The following PIK3C2G variants were observed in gnomAD, a reference collection of about 807,000 sequenced individuals.
PIK3C2G encodes phosphatidylinositol-4-phosphate 3-kinase catalytic subunit type 2 gamma, also known as phosphatidylinositol 3-kinase C2 domain-containing subunit gamma.
PIK3C2G carries 168 observed loss-of-function variants against 181.1 expected under a neutral mutation model. The observed-to-expected ratio is 0.93, with a 90% confidence interval of 0.82 to 1.05. The LOEUF is 1.05. Ranked by LOEUF, PIK3C2G falls within the 50% of genes least tolerant of loss-of-function variation. The pLI is 0.00. For synonymous variants in PIK3C2G, 573 were observed against 592.2 expected, an observed-to-expected ratio of 0.97 and a Z score of 0.47; for missense variants, 1,869 against 1,732.8, an observed-to-expected ratio of 1.08 and a Z score of -1.40.
In PIK3C2G at chr12:18,497,796, C is replaced by T. The variant is rs777342082; in HGVS notation, c.3016+48C>T. 5 of 1,440,368 alleles carry T rather than the reference C, an allele frequency of 3.5e-6. No homozygotes were observed. The East Asian group carries it at 7.5e-5, about 22-fold the overall frequency. 89.2% of individuals were successfully genotyped at this position (1,440,368 alleles called of 1,614,324 possible). ...GCTGGCTCACATTATTTATTTCACA[C>T]ATTCACTAGTAATAGGCTACGAAAC... is the stretch of plus-strand genomic sequence containing the variant. On this transcript the variant is annotated intron_variant, in intron 22 of 32. Coordinates refer to ENST00000538779, the MANE Select transcript of PIK3C2G (RefSeq NM_001288772.2).
Position 18,540,184 on chromosome 12 carries a change from C to G in PIK3C2G, c.3480+1872C>G, listed in dbSNP as rs568301382. On this transcript the variant is annotated intron_variant, in intron 25 of 32. Coordinates refer to ENST00000538779, the MANE Select transcript of PIK3C2G (RefSeq NM_001288772.2). ...TGCAAGGATACATTAACATAAGAGACCCAGAGTCTTAAAATTTTCAACTTA... is the reference window on the plus strand; with the variant it reads ...TGCAAGGATACATTAACATAAGAGAGCCAGAGTCTTAAAATTTTCAACTTA... 1.3e-4 allele frequency among the ~76,000 whole-genome samples: 20 copies of G among 151,706 alleles called. No individual in the cohort carries two copies. The East Asian group carries it at 3.7e-3, about 28-fold the overall frequency.
At chr12:18,723,359 T>G in the PIK3C2G span, 1 of 1,612,882 alleles carries the variant, frequency 6.2e-7, no homozygotes, top group Non-Finnish European at 8.5e-7. Flanking sequence ...GCAATAGCTT[T>G]ACTCATCTCA....
At chr12:18,383,891 C>T (rs1422343549) in intron 14 of PIK3C2G, among the ~76,000 whole-genome samples, 1 of 151,632 alleles carries the variant, frequency 6.6e-6, no homozygotes, top group Non-Finnish European at 1.5e-5. Flanking sequence ...GCAGCCTCCA[C>T]CTTCTGGGGT....
intron 18 of PIK3C2G, among the ~76,000 whole-genome samples, chr12:18,442,410 G>T (rs969929799): frequency 1.2e-5 from 1 of 86,346 alleles, no homozygotes; most frequent in Non-Finnish European, 2.3e-5. Flanking sequence ...AATCTGAAAA[G>T]AACATTTATA....
chr12:18,453,799 T>C (rs537568254), intron 18 of PIK3C2G, among the ~76,000 whole-genome samples: 66 of 152,290 alleles, frequency 4.3e-4, no homozygotes, highest in African/African-American at 1.4e-3. Flanking sequence ...ACAGCTCAAT[T>C]AGCTTTTAAA....
chr12:18,347,169 C>A (rs1939748830), intron 11 of PIK3C2G, among the ~76,000 whole-genome samples: 1 of 151,144 alleles, frequency 6.6e-6, no homozygotes, highest in Non-Finnish European at 1.5e-5. Flanking sequence ...GTTAAGAAAA[C>A]ATAGTAAGAC....
At chr12:18,258,937 A>G (rs1231509455), upstream of PIK3C2G, among the ~76,000 whole-genome samples, 1 of 152,162 alleles carries the variant, frequency 6.6e-6, no homozygotes, top group Non-Finnish European at 1.5e-5. Flanking sequence ...ACTTTTTAAT[A>G]GAGCAGCAAT....
At chr12:18,277,982 T>G (rs1455682694) in intron 1 of PIK3C2G, among the ~76,000 whole-genome samples, 1 of 152,202 alleles carries the variant, frequency 6.6e-6, no homozygotes. Context: ...CTGTTTGAAT[T>G]GAGCTGAACT....
downstream of PIK3C2G, among the ~76,000 whole-genome samples, chr12:18,650,664 A>AT (rs1491090562): frequency 1.4e-4 from 5 of 35,594 alleles, no homozygotes; most frequent in Admixed American, 3.7e-4. Flanking sequence ...TGGAATATAA[A>AT]TGTGTGTGTG....
chr12:18,375,562 G>C (rs557334169), intron 13 of PIK3C2G, among the ~76,000 whole-genome samples: 172 of 152,348 alleles, frequency 1.1e-3, no homozygotes, highest in Non-Finnish European at 2.2e-3. Context: ...CCATGTGGCA[G>C]AGAAAGAAAA....
chr12:18,646,031 GT>G (rs1950112745), intron 32 of PIK3C2G, among the ~76,000 whole-genome samples: 1 of 152,106 alleles, frequency 6.6e-6, no homozygotes, highest in Non-Finnish European at 1.5e-5. Flanking sequence ...AGGAAAAGGA[GT>G]TTACTCTGAA....
intron 18 of PIK3C2G, among the ~76,000 whole-genome samples, chr12:18,483,043 G>A (rs560534691): frequency 1.6e-4 from 24 of 152,106 alleles, no homozygotes; most frequent in Non-Finnish European, 3.1e-4. Context: ...TTCAGTCTTA[G>A]GTCTTGGTAG....
upstream of PIK3C2G, among the ~76,000 whole-genome samples, chr12:18,258,797 G>A (rs186109019): frequency 2.3e-3 from 355 of 151,968 alleles, 2 homozygotes; most frequent in African/African-American, 8.1e-3. Context: ...TAGAAAAATC[G>A]ATATAAATAT....
chr12:18,546,263 T>C (rs569481577), intron 25 of PIK3C2G, 60 bp from the exon 26 acceptor site: 1 of 1,010,326 alleles, frequency 9.9e-7, no homozygotes, highest in Admixed American at 2.0e-5. Flanking sequence ...CAAGTAAGCT[T>C]GATTGTATCT....
chr12:18,548,625 G>A (rs1944564185), intron 26 of PIK3C2G, among the ~76,000 whole-genome samples: 1 of 152,012 alleles, frequency 6.6e-6, no homozygotes, highest in South Asian at 2.1e-4. Context: ...CCTCATGGCA[G>A]TGAGGCGGAC....
chr12:18,700,056 C>T, the PIK3C2G span: 1 of 962,792 alleles, frequency 1.0e-6, no homozygotes, highest in Non-Finnish European at 1.6e-6. Flanking sequence ...TTCATCTTTT[C>T]ATAAGATTAT....
At chr12:18,597,675 G>A (rs1329860630) in intron 30 of PIK3C2G, among the ~76,000 whole-genome samples, 4 of 151,884 alleles carry the variant, frequency 2.6e-5, no homozygotes, top group Non-Finnish European at 4.4e-5. Flanking sequence ...AGGAAATAAA[G>A]GGTATTCAAT....
chr12:18,411,912 A>C (rs1944886245), intron 16 of PIK3C2G, among the ~76,000 whole-genome samples: 1 of 152,172 alleles, frequency 6.6e-6, no homozygotes, highest in Non-Finnish European at 1.5e-5. Context: ...ACCCTTTTCA[A>C]ACTAGAAAAG....
At chr12:18,318,998 T>G (rs1430345944) in intron 6 of PIK3C2G, among the ~76,000 whole-genome samples, 1 of 151,858 alleles carries the variant, frequency 6.6e-6, no homozygotes, top group Non-Finnish European at 1.5e-5. Flanking sequence ...GGCACAAGAA[T>G]CGCTTGAACC....
Sources: gnomAD v4.1 joint callset for allele counts (sites outside exome capture counted in the v4.1 genomes callset) on GRCh38, gnomAD v4.1.1 for gene constraint, MANE v1.5 for transcripts, NCBI Gene and HGNC (gene_info 2026-07-23, HGNC 2026-07-21) for gene names.